The following CBLB variants were observed in gnomAD, a reference collection of about 807,000 sequenced individuals.
CBLB encodes the protein E3 ubiquitin-protein ligase CBL-B.
A neutral mutation model predicts 104.9 loss-of-function variants in CBLB; 31 were observed. The ratio of observed to expected loss-of-function variants is 0.30; its 90% CI spans 0.22 to 0.40. The LOEUF (loss-of-function observed/expected upper bound fraction) is 0.40, where lower values mean the gene tolerates loss of function less well. CBLB is among the 10% of genes least tolerant of loss of function. CBLB has a pLI of 1.00. For synonymous variants in CBLB, 440 were observed against 422.6 expected (o/e 1.04, Z -0.51); for missense variants, 1,062 against 1,214.6 (o/e 0.87, Z 1.87).
chr3:105,760,238 T>A (rs2077489077), intron 4 of CBLB, among the ~76,000 whole-genome samples: 1 of 152,138 alleles, frequency 6.6e-6, no homozygotes, highest in Non-Finnish European at 1.5e-5. Context: ...ACTTAGAAAA[T>A]AAAGTTCATT....
chr3:105,720,184 C>T lies in CBLB; in HGVS notation c.1270G>A (p.Asp424Asn). 6.2e-7 allele frequency: 1 copy of T among 1,613,876 alleles called. No homozygotes were observed. The highest frequency in any genetic ancestry group is 8.5e-7 in the Non-Finnish European group (1 of 1,179,926). Residue 424 changes from aspartate (D) to asparagine (N), a missense_variant, in exon 10 of 19, where the codon GAC (aspartate) becomes AAC (asparagine). Asp to Asn is a conservative substitution (Grantham distance 23). Coordinates refer to ENST00000394030, the MANE Select transcript of CBLB (RefSeq NM_170662.5). ...CCTTCATCTCTTGGATCAAAGGGGT[C>T]CACGATTATGGGCTCAGTTCCTTTT... ...EIKGTEPIIV[D>N]PFDPRDEGSR...
At chr3:105,757,204 A>C (rs1156835072) in intron 4 of CBLB, among the ~76,000 whole-genome samples, 1 of 152,190 alleles carries the variant, frequency 6.6e-6, no homozygotes, top group African/African-American at 2.4e-5. Context: ...GCTATAAAGA[A>C]ATACCTGAGA....
intron 4 of CBLB, among the ~76,000 whole-genome samples, chr3:105,760,233 GA>G (rs1276365127): frequency 6.6e-6 from 1 of 152,024 alleles, no homozygotes; most frequent in Non-Finnish European, 1.5e-5. Context: ...TTCCAACTTA[GA>G]AAATAAAGTT....
chr3:105,759,909 T>C (rs1241113138), intron 4 of CBLB, among the ~76,000 whole-genome samples: 1 of 152,204 alleles, frequency 6.6e-6, no homozygotes, highest in Non-Finnish European at 1.5e-5. Context: ...GCCCTGGCCA[T>C]GCCTCCCCTA....
Position 105,702,476 on chromosome 3 carries a change from G to GAGA in CBLB, c.1594-18_1594-17insTCT, listed in dbSNP as rs1553727002. On this transcript the variant is annotated splice_polypyrimidine_tract_variant and intron_variant, in intron 11 of 18. Transcript: ENST00000394030. The stretch of plus-strand genomic sequence containing the variant: ...AGGAGAAGACTAAAGAAACAGAAGA[G>GAGA]AAAAAAAAAAAAAAAAAAAAAAACT... The GAGA allele has an allele frequency of 8.5e-6, 2 of 234,376 alleles. No homozygotes were observed. The highest frequency in any genetic ancestry group is 1.0e-4 in the African/African-American group (2 of 19,248). The allele number at this position is 234,376 out of a possible 1,614,324, so 14.5% of individuals were successfully genotyped here.
At chr3:105,693,320 G>C (rs2067953208) in intron 13 of CBLB, among the ~76,000 whole-genome samples, 174 bp downstream of exon 13, 1 of 152,084 alleles carries the variant, frequency 6.6e-6, no homozygotes, top group Non-Finnish European at 1.5e-5. Context: ...GTGGTTACCA[G>C]CAAAGTATAG....
At chr3:105,738,433 G>A (rs1403803503) in intron 7 of CBLB, among the ~76,000 whole-genome samples, 1 of 151,978 alleles carries the variant, frequency 6.6e-6, no homozygotes, top group Non-Finnish European at 1.5e-5. Context: ...CCTTATGGGT[G>A]TGTTACAAAA....
chr3:105,708,095 C>A (rs937845691), intron 10 of CBLB, among the ~76,000 whole-genome samples: 1 of 152,014 alleles, frequency 6.6e-6, no homozygotes, highest in African/African-American at 2.4e-5. Context: ...TCATATTATC[C>A]CCTAAATTGA....
At chr3:105,667,830 A>C (rs890061176) in intron 18 of CBLB, among the ~76,000 whole-genome samples, 2 of 152,240 alleles carry the variant, frequency 1.3e-5, no homozygotes, top group African/African-American at 4.8e-5. Flanking sequence ...CATAAGGCAG[A>C]GCAATCATAC....
chr3:105,686,451 G>GAA (rs3831886), intron 13 of CBLB, among the ~76,000 whole-genome samples: 7 of 137,076 alleles, frequency 5.1e-5, no homozygotes, highest in South Asian at 2.3e-4. Context: ...AAAAAGGAAG[G>GAA]AAAAAAAAAA....
chr3:105,755,187 C>A (rs2076979607), intron 4 of CBLB, among the ~76,000 whole-genome samples: 1 of 151,786 alleles, frequency 6.6e-6, no homozygotes, highest in African/African-American at 2.4e-5. Context: ...CCTCCCCTGA[C>A]CCCACCACAG....
intron 3 of CBLB, among the ~76,000 whole-genome samples, chr3:105,840,755 C>T (rs1039269068): frequency 2.0e-5 from 3 of 151,756 alleles, no homozygotes; most frequent in African/African-American, 7.3e-5. Context: ...CAAAGATAAA[C>T]AATATCATTC....
At chr3:105,708,183 C>T (rs911574859) in intron 10 of CBLB, among the ~76,000 whole-genome samples, 16 of 152,030 alleles carry the variant, frequency 1.1e-4, no homozygotes, top group Non-Finnish European at 2.1e-4. Flanking sequence ...TCACCCAGGC[C>T]ATTTATCTTT....
At chr3:105,677,723 G>A (rs968345616) in intron 17 of CBLB, among the ~76,000 whole-genome samples, 1 of 150,250 alleles carries the variant, frequency 6.7e-6, no homozygotes, top group Non-Finnish European at 1.5e-5. Flanking sequence ...AGTTTATTAA[G>A]TCTTCATTTT....
intron 3 of CBLB, among the ~76,000 whole-genome samples, chr3:105,791,883 T>A (rs1024980744): frequency 2.0e-5 from 3 of 152,240 alleles, no homozygotes; most frequent in African/African-American, 4.8e-5. Flanking sequence ...TTTTATCACG[T>A]ACATTCCATA....
intron 4 of CBLB, among the ~76,000 whole-genome samples, chr3:105,769,170 T>C (rs2078573854): frequency 1.3e-5 from 2 of 151,754 alleles, no homozygotes; most frequent in Non-Finnish European, 2.9e-5. Flanking sequence ...AAAAAAAACA[T>C]TGCCGGGCGT....
chr3:105,717,383 T>C (rs549128037), intron 10 of CBLB, among the ~76,000 whole-genome samples: 2 of 152,322 alleles, frequency 1.3e-5, no homozygotes, highest in East Asian at 3.9e-4. Flanking sequence ...AACCATTCTT[T>C]AAATGCTTAC....
At chr3:105,701,623 C>T (rs1043307824) in intron 12 of CBLB, among the ~76,000 whole-genome samples, 2 of 151,966 alleles carry the variant, frequency 1.3e-5, no homozygotes, top group Non-Finnish European at 2.9e-5. Flanking sequence ...ATTAGCTAGG[C>T]GTGGTGGCAG....
intron 4 of CBLB, among the ~76,000 whole-genome samples, chr3:105,773,881 C>T (rs1221373134): frequency 2.0e-5 from 3 of 152,220 alleles, no homozygotes. Flanking sequence ...TGCCATGATA[C>T]ATGTGTTACT....
Sources: allele counts gnomAD v4.1 joint callset (sites outside exome capture counted in the v4.1 genomes callset), GRCh38; gene constraint gnomAD v4.1.1; transcripts MANE v1.5; gene names NCBI Gene and HGNC (gene_info 2026-07-23, HGNC 2026-07-21).